The following PPFIA2 variants were observed in gnomAD, a reference collection of about 807,000 sequenced individuals.
PPFIA2 encodes liprin-alpha-2.
In PPFIA2, 46 loss-of-function variants were observed where a neutral mutation model predicts 175.5. The ratio of observed to expected loss-of-function variants is 0.26; its 90% CI spans 0.21 to 0.34. The LOEUF is 0.34. PPFIA2 is among the 10% of genes least tolerant of loss of function. The pLI, the probability that PPFIA2 is intolerant of heterozygous loss-of-function variation, is 1.00. For missense variants in PPFIA2, 1,179 were observed against 1,506.1 expected (o/e 0.78, Z 3.60); for synonymous variants, 568 against 511.4 (o/e 1.11, Z -1.49).
intron 24 of PPFIA2, among the ~76,000 whole-genome samples, chr12:81,288,985 GC>G (rs1265563391): frequency 2.0e-5 from 3 of 151,810 alleles, no homozygotes; most frequent in Non-Finnish European, 1.5e-5. Context: ...CTGATAGAGT[GC>G]AGGAAGCAGA....
At chr12:81,706,649 G>A (rs1200112372) in intron 3 of PPFIA2, among the ~76,000 whole-genome samples, 5 of 152,204 alleles carry the variant, frequency 3.3e-5, no homozygotes, top group East Asian at 1.9e-4. Context: ...CTACCGGGGG[G>A]TGCCTCCCAG....
chr12:81,542,171 T>C (rs1455585534), intron 4 of PPFIA2, among the ~76,000 whole-genome samples: 1 of 152,134 alleles, frequency 6.6e-6, no homozygotes, highest in East Asian at 1.9e-4. Context: ...ACATGTATCC[T>C]TTAAGACAGG....
chr12:81,538,682 C>T (rs1297784489), intron 4 of PPFIA2, among the ~76,000 whole-genome samples: 1 of 151,734 alleles, frequency 6.6e-6, no homozygotes, highest in Non-Finnish European at 1.5e-5. Flanking sequence ...CAAGGGCCCT[C>T]AGGTGTAATG....
intron 4 of PPFIA2, among the ~76,000 whole-genome samples, chr12:81,642,743 A>G (rs1290500477): frequency 1.3e-5 from 1 of 74,988 alleles, no homozygotes; most frequent in East Asian, 4.6e-4. Flanking sequence ...ATATGTATGT[A>G]TGTATTATAT....
Position 81,754,110 on chromosome 12 carries a change from T to A in PPFIA2, c.112A>T (p.Met38Leu), listed in dbSNP as rs375272875. ...AGAAGACGATCCCTTTCATCTAGCA[T>A]ATTCACCATCAGCTGCTCAAAATGG... ...DSHFEQLMVN[M>L]LDERDRLLDT... is the part of the protein sequence containing the mutation. The change falls in exon 3 of 33, where the codon ATG becomes TTG. Residue 38 changes from methionine to leucine, a missense_variant. Met to Leu is a conservative substitution (Grantham distance 15). Transcript: ENST00000549396. The A allele has an allele frequency of 1.1e-5, 17 of 1,613,874 alleles. No homozygotes were observed. The highest frequency in any genetic ancestry group is 1.4e-5 in the Non-Finnish European group (16 of 1,179,856).
At chr12:81,491,214 T>G (rs2059382434) in intron 4 of PPFIA2, among the ~76,000 whole-genome samples, 1 of 71,430 alleles carries the variant, frequency 1.4e-5, no homozygotes, top group Non-Finnish European at 2.6e-5. Context: ...ACTTTTTTTG[T>G]TTTTTTGCTT....
chr12:81,703,671 C>T lies in PPFIA2; in HGVS notation c.250-26827G>A, dbSNP rs112060404. Among the ~76,000 whole-genome samples, 853 of 152,102 alleles carry T rather than the reference C, an allele frequency of 5.6e-3. 4 individuals carry two copies. The highest frequency in any genetic ancestry group is 9.6e-3 in the Admixed American group (146 of 15,274). ...TAAAGCCCAATTTCCTTATTGTGGC[C>T]TAAAAATCCCACCATAATCCCGTGC... On this transcript the variant is annotated intron_variant, in intron 3 of 32. Coordinates refer to ENST00000549396, the MANE Select transcript of PPFIA2 (RefSeq NM_003625.5).
At chr12:81,438,230 G>T (rs1592983298) in intron 7 of PPFIA2, among the ~76,000 whole-genome samples, 1 of 152,182 alleles carries the variant, frequency 6.6e-6, no homozygotes, top group South Asian at 2.1e-4. Flanking sequence ...AGCACTTTGG[G>T]AGGCCGAGGC....
chr12:81,349,708 T>C (rs1794383841), intron 17 of PPFIA2, among the ~76,000 whole-genome samples: 1 of 152,192 alleles, frequency 6.6e-6, no homozygotes, highest in South Asian at 2.1e-4. Context: ...AGGTATTCTA[T>C]AAATTGTACA....
At chr12:81,395,178 C>T (rs1440362786) in intron 8 of PPFIA2, among the ~76,000 whole-genome samples, 1 of 151,732 alleles carries the variant, frequency 6.6e-6, no homozygotes, top group Non-Finnish European at 1.5e-5. Context: ...TCTTTATATG[C>T]CAGTATTAAT....
intron 4 of PPFIA2, among the ~76,000 whole-genome samples, chr12:81,535,688 G>A (rs985591204): frequency 6.6e-6 from 1 of 151,376 alleles, no homozygotes; most frequent in African/African-American, 2.4e-5. Context: ...AACTAAAAGA[G>A]ACTGAGATCT....
intron 4 of PPFIA2, among the ~76,000 whole-genome samples, chr12:81,643,944 T>A (rs1196228372): frequency 6.6e-6 from 1 of 151,862 alleles, no homozygotes; most frequent in African/African-American, 2.4e-5. Flanking sequence ...AGCAACAAAC[T>A]TTTCCCCAAT....
chr12:81,345,818 A>G (rs2058975212), intron 18 of PPFIA2, among the ~76,000 whole-genome samples: 1 of 152,170 alleles, frequency 6.6e-6, no homozygotes, highest in Non-Finnish European at 1.5e-5. Context: ...AATCAGATGA[A>G]TGGTTCCTAA....
At chr12:81,581,696 T>C (rs959063467) in intron 4 of PPFIA2, among the ~76,000 whole-genome samples, 2 of 150,376 alleles carry the variant, frequency 1.3e-5, no homozygotes, top group Non-Finnish European at 3.0e-5. Flanking sequence ...ACTTTGTACA[T>C]AATAGTCACG....
Position 81,267,996 on chromosome 12 carries a change from C to A in PPFIA2, c.3402G>T (p.Val1134=), listed in dbSNP as rs1293750801. ...CATCCAGGGCTATAAGTGAGCCATG[C>A]ACACCGCTCTCAAGTATATTATTTG... The part of the protein sequence containing the change: ...EYANNILESG[V]HGSLIALDEN... The change falls in exon 29 of 33, where the codon GTG becomes GTT. Residue 1134 remains valine (V), a synonymous_variant. Coordinates refer to ENST00000549396, the MANE Select transcript of PPFIA2 (RefSeq NM_003625.5). The A allele has an allele frequency of 3.8e-6, 6 of 1,598,850 alleles. 1 individual carries two copies. The highest frequency in any genetic ancestry group is 1.1e-5 in the South Asian group (1 of 88,258).
At chr12:81,482,241 G>T (rs1052826965) in intron 4 of PPFIA2, among the ~76,000 whole-genome samples, 37 of 152,286 alleles carry the variant, frequency 2.4e-4, no homozygotes, top group African/African-American at 8.9e-4. Context: ...GGAAACAACA[G>T]ATGCTGGAGA....
intron 8 of PPFIA2, among the ~76,000 whole-genome samples, chr12:81,387,067 C>G (rs1268364019): frequency 6.6e-6 from 1 of 152,084 alleles, no homozygotes; most frequent in East Asian, 1.9e-4. Context: ...TGTGTTACAA[C>G]TTTCTGATTT....
chr12:81,715,754 A>G (rs1218569628), intron 3 of PPFIA2, among the ~76,000 whole-genome samples: 1 of 151,818 alleles, frequency 6.6e-6, no homozygotes, highest in African/African-American at 2.4e-5. Context: ...CGATAAAAGT[A>G]TATTCCCATG....
At chr12:81,649,215 G>C (rs1483923917) in intron 4 of PPFIA2, among the ~76,000 whole-genome samples, 1 of 152,060 alleles carries the variant, frequency 6.6e-6, no homozygotes, top group African/African-American at 2.4e-5. Context: ...TCTGATAATG[G>C]CTTTGTCCAC....
Sources: gnomAD v4.1 joint callset for allele counts (sites outside exome capture counted in the v4.1 genomes callset) on GRCh38, gnomAD v4.1.1 for gene constraint, MANE v1.5 for transcripts, NCBI Gene and HGNC (gene_info 2026-07-23, HGNC 2026-07-21) for gene names.